ARHGAP22: variants seen among roughly 807,000 people sequenced by gnomAD.
The protein encoded by ARHGAP22 is Rho GTPase activating protein 22, also known as rho GTPase-activating protein 22.
A neutral mutation model predicts 59.1 loss-of-function variants in ARHGAP22; 48 were observed. The ratio of observed to expected loss-of-function variants is 0.81; its 90% CI spans 0.64 to 1.03. ARHGAP22 has a LOEUF of 1.03. ARHGAP22 is among the 50% of genes least tolerant of loss of function. ARHGAP22 has a pLI of 0.00. For synonymous variants in ARHGAP22, 445 were observed against 416.4 expected, an observed-to-expected ratio of 1.07 and a Z score of -0.84; for missense variants, 1,015 against 958.7, an observed-to-expected ratio of 1.06 and a Z score of -0.78.
At chr10:48,544,341 T>C (rs1209217508) in intron 3 of ARHGAP22, among the ~76,000 whole-genome samples, 2 of 152,250 alleles carry the variant, frequency 1.3e-5, no homozygotes, top group African/African-American at 2.4e-5. Flanking sequence ...TCTGTCTTAC[T>C]CCAAGTCTGA....
intron 2 of ARHGAP22, among the ~76,000 whole-genome samples, chr10:48,579,849 G>T (rs1178096755): frequency 6.6e-6 from 1 of 152,222 alleles, no homozygotes; most frequent in Non-Finnish European, 1.5e-5. Flanking sequence ...TTGAGAATTA[G>T]TCTATTACAT....
At chr10:48,557,078 C>T (rs745445376) in intron 2 of ARHGAP22, among the ~76,000 whole-genome samples, 4 of 152,216 alleles carry the variant, frequency 2.6e-5, no homozygotes, top group South Asian at 2.1e-4. Flanking sequence ...AGAGGAATTA[C>T]AGCAATAAAC....
chr10:48,653,714 A>G (rs1360217934), upstream of ARHGAP22, among the ~76,000 whole-genome samples: 1 of 152,252 alleles, frequency 6.6e-6, no homozygotes, highest in Admixed American at 6.5e-5. Context: ...GCCCACAGGT[A>G]CAGAGGCAGA....
intron 2 of ARHGAP22, among the ~76,000 whole-genome samples, chr10:48,571,256 A>C (rs1225721001): frequency 6.6e-6 from 1 of 152,146 alleles, no homozygotes; most frequent in Non-Finnish European, 1.5e-5. Context: ...TGAAGTGTGG[A>C]ATGGAGTGTA....
chr10:48,523,429 G>A (rs545056382), intron 3 of ARHGAP22, among the ~76,000 whole-genome samples: 1 of 152,204 alleles, frequency 6.6e-6, no homozygotes, highest in East Asian at 1.9e-4. Context: ...CCCCCGGGAG[G>A]CCGGACCTCC....
chr10:48,604,729 G>T, intron 1 of ARHGAP22, 34 bp downstream of exon 1: 1 of 1,614,202 alleles, frequency 6.2e-7, no homozygotes, highest in Non-Finnish European at 8.5e-7. Flanking sequence ...AGGCACATGC[G>T]GTGCCCAGAG....
intron 3 of ARHGAP22, among the ~76,000 whole-genome samples, chr10:48,490,201 C>T (rs1283335505): frequency 1.3e-5 from 2 of 152,166 alleles, no homozygotes; most frequent in African/African-American, 4.8e-5. Context: ...GGGACAGCCC[C>T]TTAGCTTAGT....
intron 3 of ARHGAP22, among the ~76,000 whole-genome samples, chr10:48,545,490 C>T (rs2056350625): frequency 6.6e-6 from 1 of 152,198 alleles, no homozygotes. Context: ...CTGTCATTAC[C>T]CATCATCTGG....
At chr10:48,435,177 A>G in the ARHGAP22 span, 2 of 572,510 alleles carry the variant, frequency 3.5e-6, no homozygotes, top group Non-Finnish European at 5.7e-6. Context: ...ATTTTTTTTA[A>G]TTTCAAGTGA....
chr10:48,433,109 T>G, the ARHGAP22 span, among the ~76,000 whole-genome samples: 1 of 152,188 alleles, frequency 6.6e-6, no homozygotes, highest in Non-Finnish European at 1.5e-5. Context: ...AAGAGAGGAA[T>G]GACCCATGTG....
chr10:48,559,709 C>T (rs1246748646), intron 2 of ARHGAP22, among the ~76,000 whole-genome samples: 3 of 152,152 alleles, frequency 2.0e-5, no homozygotes, highest in African/African-American at 7.2e-5. Flanking sequence ...CCCTTATCCA[C>T]TTTTCTATTG....
rs540342590 is a variant in ARHGAP22 at position 48,555,842 on chromosome 10, G to A, written c.235-292C>T. 7.2e-5 allele frequency among the ~76,000 whole-genome samples: 11 copies of A among 152,332 alleles called. No individual in the cohort carries two copies. In the East Asian group the frequency reaches 1.4e-3, roughly 19 times the overall value. ...GAGGGAGGCTCCCACCACTGGGAGC[G>A]CCTGATCCAGTGTGCCACCTAAGCC... On this transcript the variant is annotated intron_variant, in intron 2 of 9. Coordinates refer to ENST00000249601, the MANE Select transcript of ARHGAP22 (RefSeq NM_021226.4).
intron 4 of ARHGAP22, among the ~76,000 whole-genome samples, chr10:48,477,050 T>C (rs955588126): frequency 2.6e-5 from 4 of 152,194 alleles, no homozygotes; most frequent in Admixed American, 1.3e-4. Context: ...AAACATGTCA[T>C]TGTAAAAGGA....
intron 3 of ARHGAP22, chr10:48,546,438 T>C (rs2056442237): frequency 6.4e-6 from 1 of 155,428 alleles, no homozygotes; most frequent in Non-Finnish European, 1.4e-5. Flanking sequence ...TGATTTGTGT[T>C]TTAAACAATT....
At chr10:48,581,094 AAAG>A (rs769108230) in intron 2 of ARHGAP22, among the ~76,000 whole-genome samples, 1 of 152,144 alleles carries the variant, frequency 6.6e-6, no homozygotes, top group Non-Finnish European at 1.5e-5. Flanking sequence ...GCCTTCCCCC[AAAG>A]ACCAGACTCC....
chr10:48,434,989 G>C, the ARHGAP22 span: 1 of 1,411,166 alleles, frequency 7.1e-7, no homozygotes, highest in Non-Finnish European at 9.5e-7. Flanking sequence ...ACAGACAGCA[G>C]TCTAGAAGCA....
intron 3 of ARHGAP22, among the ~76,000 whole-genome samples, chr10:48,498,882 T>C (rs1024721184): frequency 1.3e-5 from 2 of 151,956 alleles, no homozygotes; most frequent in Non-Finnish European, 2.9e-5. Flanking sequence ...GAAAAGCAGT[T>C]CTATTTTACA....
intron 1 of ARHGAP22, among the ~76,000 whole-genome samples, chr10:48,600,198 A>T (rs1000840736): frequency 1.3e-5 from 2 of 152,244 alleles, no homozygotes; most frequent in African/African-American, 4.8e-5. Flanking sequence ...AGATTCTCTC[A>T]CTTTCCTTCC....
intron 4 of ARHGAP22, chr10:48,466,653 CGCGGCCGGCATCAGGCCCAT>C (rs1677127408): frequency 7.5e-6 from 1 of 133,362 alleles, no homozygotes; most frequent in Non-Finnish European, 1.6e-5. Flanking sequence ...AGTAGGCCCG[CGCGGCCGGCATCAGGCCCAT>C]GGCGCGCCTA....
Sources: allele counts gnomAD v4.1 joint callset (sites outside exome capture counted in the v4.1 genomes callset), GRCh38; gene constraint gnomAD v4.1.1; transcripts MANE v1.5; gene names NCBI Gene and HGNC (gene_info 2026-07-23, HGNC 2026-07-21).